Variants in PPDPFL observed in about 807,000 individuals in gnomAD.
PPDPFL encodes pancreatic progenitor cell differentiation and proliferation factor-like protein.
Under a neutral mutation model 12.6 loss-of-function variants are expected in PPDPFL, and 12 were observed. That is an observed-to-expected ratio of 0.95 (90% CI 0.61 to 1.54). The LOEUF (loss-of-function observed/expected upper bound fraction) is 1.54. Among genes scored for constraint, PPDPFL ranks in the 40% most tolerant of loss-of-function variants. The pLI is 0.00. For synonymous variants in PPDPFL, 24 were observed against 32.7 expected (o/e 0.73, Z 0.91); for missense variants, 114 against 96.0 (o/e 1.19, Z -0.78).
At chr8:49,065,061 A>C (rs1808273144) in intron 1 of PPDPFL, among the ~76,000 whole-genome samples, 1 of 152,210 alleles carries the variant, frequency 6.6e-6, no homozygotes, top group Admixed American at 6.5e-5. Context: ...TGCAAGCCAG[A>C]AACACAGATG....
At chr8:49,066,990 A>C (rs1343250709) in intron 1 of PPDPFL, among the ~76,000 whole-genome samples, 1 of 152,186 alleles carries the variant, frequency 6.6e-6, no homozygotes, top group Non-Finnish European at 1.5e-5. Context: ...TAATGATTGT[A>C]TGAACTGACC....
chr8:49,073,578 T>C (rs1808431656), intron 2 of PPDPFL, among the ~76,000 whole-genome samples: 1 of 152,228 alleles, frequency 6.6e-6, no homozygotes, highest in African/African-American at 2.4e-5. Flanking sequence ...CCACAGGAGT[T>C]ACTTTTATAT....
intron 1 of PPDPFL, among the ~76,000 whole-genome samples, chr8:49,062,285 G>T (rs938249024): frequency 6.6e-6 from 1 of 152,186 alleles, no homozygotes; most frequent in Non-Finnish European, 1.5e-5. Flanking sequence ...TAACACCCTG[G>T]CAAGGGCACC....
chr8:49,071,328 G>A (rs755575655), upstream of PPDPFL, among the ~76,000 whole-genome samples: 4 of 152,252 alleles, frequency 2.6e-5, no homozygotes, highest in Non-Finnish European at 4.4e-5. Context: ...TGTAAAGGGA[G>A]CCACAATTTG....
At position 49,075,722 on chromosome 8, in the gene PPDPFL, T is replaced by G. The variant is rs1808488012; in HGVS notation, c.*549T>G. 2 of 170,448 alleles carry G rather than the reference T, an allele frequency of 1.2e-5. No individual in the cohort carries two copies. The highest frequency in any genetic ancestry group is 2.5e-5 in the Non-Finnish European group (2 of 78,856). The allele number at this position is 170,448 out of a possible 1,614,324, so 10.6% of individuals were successfully genotyped here. A position where few individuals can be genotyped will look rare whatever the true frequency, so the allele number is the denominator to read the frequency against. ...GAAAATAATTGTAAAAATTCAATTT[T>G]TTTAAAAGAATGAAGGTTGGAAATA... On this transcript the variant is annotated 3_prime_UTR_variant, in exon 5 of 5. Transcript: ENST00000522267.
At chr8:49,055,239 G>A (rs1340136938) in intron 1 of PPDPFL, among the ~76,000 whole-genome samples, 2 of 152,036 alleles carry the variant, frequency 1.3e-5, no homozygotes, top group Non-Finnish European at 2.9e-5. Flanking sequence ...CCGTCACCAT[G>A]CCTTTCCTAG....
chr8:49,074,656 A>G, intron 4 of PPDPFL: 9 of 1,520,498 alleles, frequency 5.9e-6, no homozygotes, highest in Admixed American at 2.0e-5. Flanking sequence ...TCATACCTTC[A>G]GGAAAAGAAT....
intron 1 of PPDPFL, among the ~76,000 whole-genome samples, chr8:49,063,011 G>C (rs1406333034): frequency 6.6e-6 from 1 of 152,110 alleles, no homozygotes; most frequent in Non-Finnish European, 1.5e-5. Flanking sequence ...GGGACCTAAG[G>C]GTTGTTCATG....
chr8:49,058,179 C>T (rs1268799940), intron 1 of PPDPFL, among the ~76,000 whole-genome samples: 1 of 152,168 alleles, frequency 6.6e-6, no homozygotes, highest in Non-Finnish European at 1.5e-5. Context: ...CAAAGTTAGA[C>T]CTGTAACCTC....
At chr8:49,064,571 G>A (rs1808264864) in intron 1 of PPDPFL, among the ~76,000 whole-genome samples, 2 of 151,994 alleles carry the variant, frequency 1.3e-5, no homozygotes, top group Non-Finnish European at 2.9e-5. Context: ...CCCAGGACAA[G>A]CCCACCGAGG....
chr8:49,069,593 C>T (rs1235368531), upstream of PPDPFL, among the ~76,000 whole-genome samples: 7 of 152,088 alleles, frequency 4.6e-5, no homozygotes, highest in Non-Finnish European at 7.4e-5. Context: ...TCCTTAAAGA[C>T]CTAAAAACAG....
At chr8:49,066,244 C>T (rs341814) in intron 1 of PPDPFL, among the ~76,000 whole-genome samples, 137,964 of 152,250 alleles carry the variant, frequency 0.91, 62,566 homozygotes, top group Middle Eastern at 0.96. Flanking sequence ...AAGACAGCAG[C>T]TTTTGCTACA....
At chr8:49,074,873 C>A in intron 4 of PPDPFL, 1 of 1,382,550 alleles carries the variant, frequency 7.2e-7, no homozygotes, top group Non-Finnish European at 9.4e-7. Flanking sequence ...CATTTGAATG[C>A]CTAGTAACTA....
At chr8:49,075,119 C>G (rs1234099788) in intron 4 of PPDPFL, 33 bp from the exon 5 acceptor site, 2 of 1,609,470 alleles carry the variant, frequency 1.2e-6, no homozygotes, top group Non-Finnish European at 1.7e-6. Flanking sequence ...TTTATTTATC[C>G]CCTCCTCTCT....
At chr8:49,066,108 C>G (rs144700147) in intron 1 of PPDPFL, among the ~76,000 whole-genome samples, 1 of 152,216 alleles carries the variant, frequency 6.6e-6, no homozygotes, top group African/African-American at 2.4e-5. Context: ...AGATAAACAA[C>G]GCATTTCTCA....
upstream of PPDPFL, among the ~76,000 whole-genome samples, chr8:49,068,395 C>A (rs745865793): frequency 6.6e-6 from 1 of 152,042 alleles, no homozygotes; most frequent in Non-Finnish European, 1.5e-5. Context: ...AGAGAACACT[C>A]GAAATGAACC....
intron 1 of PPDPFL, among the ~76,000 whole-genome samples, chr8:49,066,814 G>A (rs1441052005): frequency 1.3e-5 from 2 of 152,168 alleles, no homozygotes; most frequent in Non-Finnish European, 2.9e-5. Flanking sequence ...TGGCCCTTGA[G>A]ATGTGTGGCT....
upstream of PPDPFL, among the ~76,000 whole-genome samples, chr8:49,071,977 A>C (rs1045116209): frequency 2.6e-5 from 4 of 152,200 alleles, no homozygotes; most frequent in African/African-American, 9.7e-5. Context: ...CTCCCCAGCC[A>C]GATAGCAGGC....
chr8:49,057,956 T>A (rs1429510719), intron 1 of PPDPFL, among the ~76,000 whole-genome samples: 1 of 152,152 alleles, frequency 6.6e-6, no homozygotes, highest in Non-Finnish European at 1.5e-5. Context: ...TGAAGAACAC[T>A]TAAATTTTAA....
Sources: gnomAD v4.1 joint callset for allele counts (sites outside exome capture counted in the v4.1 genomes callset) on GRCh38, gnomAD v4.1.1 for gene constraint, MANE v1.5 for transcripts, NCBI Gene and HGNC (gene_info 2026-07-23, HGNC 2026-07-21) for gene names.